GRB14: variants seen among roughly 807,000 people sequenced by gnomAD.
GRB14 encodes growth factor receptor-bound protein 14.
Under a neutral mutation model 69.1 loss-of-function variants are expected in GRB14, and 38 were observed. That is an observed-to-expected ratio of 0.55 (90% CI 0.42 to 0.72). The LOEUF is 0.72. GRB14 is among the 30% of genes least tolerant of loss of function. The probability of loss-of-function intolerance (pLI) is 0.00; values close to 1 mark genes in which losing one functional copy is unlikely to be tolerated. For synonymous variants in GRB14, 247 were observed against 241.3 expected (o/e 1.02, Z -0.22); for missense variants, 666 against 666.1 (o/e 1.00, Z 0.00).
chr2:164,615,891 C>T (rs1246757967), intron 2 of GRB14, among the ~76,000 whole-genome samples: 1 of 152,102 alleles, frequency 6.6e-6, no homozygotes, highest in Non-Finnish European at 1.5e-5. Flanking sequence ...TAACTCTTTG[C>T]TTTCCTTCAA....
At chr2:164,611,208 T>G (rs1690160352) in intron 2 of GRB14, among the ~76,000 whole-genome samples, 1 of 152,152 alleles carries the variant, frequency 6.6e-6, no homozygotes, top group Admixed American at 6.6e-5. Context: ...ATTAAAATTT[T>G]TTAAACCAGG....
chr2:164,551,498 A>G (rs1688536830), intron 2 of GRB14, among the ~76,000 whole-genome samples: 1 of 152,138 alleles, frequency 6.6e-6, no homozygotes, highest in Non-Finnish European at 1.5e-5. Context: ...TTGGGAGGTA[A>G]TTACATTATG....
intron 2 of GRB14, among the ~76,000 whole-genome samples, chr2:164,576,356 A>T (rs541541657): frequency 2.4e-3 from 366 of 152,048 alleles, no homozygotes; most frequent in Non-Finnish European, 4.2e-3. Flanking sequence ...ATTGCCATAT[A>T]TTTAACTTTA....
At position 164,492,465 on chromosome 2, in the gene GRB14, AAATC is replaced by A; in HGVS notation, c.*567_*570del. Reference sequence around the variant, plus strand: ...ATAATATTTTTAAATTACCTGGAAAAAATCAACATATTTCAAAATGGTTTAAAGC... The same window carrying A: ...ATAATATTTTTAAATTACCTGGAAAAAACATATTTCAAAATGGTTTAAAGC... On this transcript the variant is annotated 3_prime_UTR_variant, in exon 14 of 14. Coordinates refer to ENST00000263915, the MANE Select transcript of GRB14 (RefSeq NM_004490.3). Among the ~76,000 whole-genome samples, 1 of 152,092 alleles carries A rather than the reference AAATC, an allele frequency of 6.6e-6. No individual in the cohort carries two copies. The highest frequency in any genetic ancestry group is 1.9e-4 in the East Asian group (1 of 5,182).
chr2:164,550,421 A>G (rs573009414), intron 2 of GRB14, among the ~76,000 whole-genome samples: 1 of 152,348 alleles, frequency 6.6e-6, no homozygotes, highest in Non-Finnish European at 1.5e-5. Flanking sequence ...GGATTTATCT[A>G]TTACAGCAGC....
chr2:164,508,554 G>C lies in GRB14; in HGVS notation c.928-4C>G, dbSNP rs1687253581. ...GGGGCCCTCCCGCTTTGTTAGGCTA[G>C]AAGGCCACAGCACATTGTTTATCGT... is the stretch of plus-strand genomic sequence containing the variant. On this transcript the variant is annotated splice_polypyrimidine_tract_variant and splice_region_variant and intron_variant, in intron 7 of 13. Coordinates refer to ENST00000263915, the MANE Select transcript of GRB14 (RefSeq NM_004490.3). 6.2e-7 allele frequency: 1 copy of C among 1,612,832 alleles called. No individual in the cohort carries two copies. Among genetic ancestry groups the C allele is most frequent in the Non-Finnish European group, 8.5e-7 (1 of 1,178,924 alleles).
At chr2:164,600,910 C>G (rs1274638858) in intron 2 of GRB14, among the ~76,000 whole-genome samples, 1 of 151,774 alleles carries the variant, frequency 6.6e-6, no homozygotes, top group East Asian at 1.9e-4. Context: ...TAATAGTGAC[C>G]ACACAACAGC....
At chr2:164,566,810 A>AT (rs1464684246) in intron 2 of GRB14, among the ~76,000 whole-genome samples, 1 of 152,154 alleles carries the variant, frequency 6.6e-6, no homozygotes, top group East Asian at 1.9e-4. Flanking sequence ...CACAAATAAG[A>AT]CTGAAGATAT....
chr2:164,589,224 C>T (rs1689603847), intron 2 of GRB14, among the ~76,000 whole-genome samples: 2 of 152,034 alleles, frequency 1.3e-5, no homozygotes, highest in African/African-American at 4.8e-5. Flanking sequence ...AAGAAACTGT[C>T]CTATGTGAAT....
chr2:164,499,669 G>A (rs559813158), intron 9 of GRB14, among the ~76,000 whole-genome samples: 1 of 152,142 alleles, frequency 6.6e-6, no homozygotes, highest in South Asian at 2.1e-4. Context: ...AAAAAAAATA[G>A]GTCTGGGTAT....
intron 3 of GRB14, among the ~76,000 whole-genome samples, chr2:164,530,782 G>T (rs1345551849): frequency 5.3e-5 from 8 of 152,182 alleles, no homozygotes; most frequent in Non-Finnish European, 1.2e-4. Flanking sequence ...GTTGTAGAAA[G>T]CCCTGCAGTC....
At chr2:164,583,039 T>A (rs567939623) in intron 2 of GRB14, among the ~76,000 whole-genome samples, 76 of 152,292 alleles carry the variant, frequency 5.0e-4, no homozygotes, top group Non-Finnish European at 1.0e-3. Flanking sequence ...TACTTCACCA[T>A]CCACACTTCC....
At chr2:164,602,972 GA>G (rs902009123) in intron 2 of GRB14, among the ~76,000 whole-genome samples, 23 of 151,994 alleles carry the variant, frequency 1.5e-4, no homozygotes, top group African/African-American at 5.6e-4. Flanking sequence ...AGTCAGGTAA[GA>G]AAAAGAAAGA....
At chr2:164,523,625 G>A (rs1263704928) in intron 5 of GRB14, among the ~76,000 whole-genome samples, 3 of 151,970 alleles carry the variant, frequency 2.0e-5, no homozygotes, top group Non-Finnish European at 4.4e-5. Flanking sequence ...TGCAAAACAG[G>A]CAAGTAGGTT....
At position 164,546,157 on chromosome 2, in the gene GRB14, G is replaced by C. The variant is rs1574293800; in HGVS notation, c.481+1503C>G. Reference sequence around the variant, plus strand: ...ATGAAATGTATTCTTCCATCAATTTGAGCTGTTTTAGGTCTAAAATTCCCA... The same window carrying C: ...ATGAAATGTATTCTTCCATCAATTTCAGCTGTTTTAGGTCTAAAATTCCCA... On this transcript the variant is annotated intron_variant, in intron 3 of 13. Coordinates refer to ENST00000263915, the MANE Select transcript of GRB14 (RefSeq NM_004490.3). Among the ~76,000 whole-genome samples, 3 of 152,222 alleles carry C rather than the reference G, an allele frequency of 2.0e-5. 1 individual carries two copies. In the South Asian group the frequency reaches 6.2e-4, roughly 32 times the overall value.
chr2:164,544,462 T>A (rs913399752), intron 3 of GRB14, among the ~76,000 whole-genome samples: 13 of 152,148 alleles, frequency 8.5e-5, no homozygotes, highest in Non-Finnish European at 1.3e-4. Context: ...ACTGTAATAA[T>A]ATATTATGCT....
chr2:164,506,188 T>C (rs971423749), intron 8 of GRB14, among the ~76,000 whole-genome samples: 4 of 152,198 alleles, frequency 2.6e-5, no homozygotes, highest in African/African-American at 9.7e-5. Context: ...TAGTAGTTCT[T>C]ATTCAGAATC....
intron 2 of GRB14, among the ~76,000 whole-genome samples, chr2:164,594,362 T>C: frequency 6.6e-6 from 1 of 152,198 alleles, no homozygotes. Context: ...TGCATCCACA[T>C]GGCTATTTTC....
intron 3 of GRB14, 107 bp from the exon 4 acceptor site, chr2:164,527,242 CAT>C (rs1260594147): frequency 1.6e-5 from 4 of 250,092 alleles, no homozygotes; most frequent in African/African-American, 1.0e-4. Context: ...CACATACAAA[CAT>C]ATAAAATGTA....
Sources: allele counts gnomAD v4.1 joint callset (sites outside exome capture counted in the v4.1 genomes callset), GRCh38; gene constraint gnomAD v4.1.1; transcripts MANE v1.5; gene names NCBI Gene and HGNC (gene_info 2026-07-23, HGNC 2026-07-21).